NFYC: variants seen among roughly 807,000 people sequenced by gnomAD.
NFYC encodes the protein nuclear transcription factor Y subunit gamma.
NFYC carries 25 observed loss-of-function variants against 53.1 expected under a neutral mutation model. That is an observed-to-expected ratio of 0.47 (90% CI 0.34 to 0.66). The LOEUF is 0.66. Among genes scored for constraint, NFYC ranks in the 30% least tolerant of loss-of-function variants. The probability of loss-of-function intolerance (pLI) is 0.01; values close to 1 mark genes in which losing one functional copy is unlikely to be tolerated. For missense variants in NFYC, 260 were observed against 422.7 expected, an observed-to-expected ratio of 0.62 and a Z score of 3.38; for synonymous variants, 145 against 152.6, an observed-to-expected ratio of 0.95 and a Z score of 0.37.
chr1:40,767,073 T>G (rs1646850724), intron 8 of NFYC: 1 of 1,148,144 alleles, frequency 8.7e-7, no homozygotes, highest in Admixed American at 2.0e-5. Flanking sequence ...TTCTGGCACC[T>G]CCTGTGCTCT....
intron 1 of NFYC, among the ~76,000 whole-genome samples, chr1:40,696,130 T>C (rs1643129805): frequency 6.6e-6 from 1 of 151,512 alleles, no homozygotes. Context: ...TTCAAGCGAT[T>C]CTCTTGCCTC....
intron 1 of NFYC, among the ~76,000 whole-genome samples, chr1:40,728,917 C>T (rs1205675762): frequency 2.0e-5 from 3 of 152,156 alleles, no homozygotes; most frequent in Admixed American, 1.3e-4. Context: ...GGATTACAGG[C>T]GTGAGCCACT....
intron 7 of NFYC, 93 bp from the exon 8 acceptor site, chr1:40,766,503 A>G (rs1417096376): frequency 2.8e-5 from 25 of 899,030 alleles, no homozygotes; most frequent in Non-Finnish European, 4.3e-5. Flanking sequence ...CTTGAGGGGT[A>G]GGGGGCAATC....
intron 5 of NFYC, among the ~76,000 whole-genome samples, chr1:40,755,041 T>C (rs1196236165): frequency 6.6e-6 from 1 of 152,212 alleles, no homozygotes; most frequent in Non-Finnish European, 1.5e-5. Flanking sequence ...TAATCCTCTG[T>C]AGACATGAAG....
intron 1 of NFYC, among the ~76,000 whole-genome samples, chr1:40,728,931 C>T (rs529486426): frequency 6.6e-6 from 1 of 152,324 alleles, no homozygotes; most frequent in African/African-American, 2.4e-5. Flanking sequence ...AGCCACTGCT[C>T]CCAGCCTCCA....
intron 1 of NFYC, among the ~76,000 whole-genome samples, chr1:40,725,552 C>T (rs1268597115): frequency 2.6e-5 from 4 of 152,144 alleles, no homozygotes; most frequent in Non-Finnish European, 5.9e-5. Context: ...TAGCATAAGT[C>T]CTAAGGTCCA....
chr1:40,733,778 C>T (rs1644887884), intron 1 of NFYC, among the ~76,000 whole-genome samples: 1 of 151,988 alleles, frequency 6.6e-6, no homozygotes, highest in Non-Finnish European at 1.5e-5. Context: ...GAGTCTCGCT[C>T]TGTCGCCCAG....
chr1:40,763,461 C>G (rs1387052742), intron 7 of NFYC: 2 of 451,292 alleles, frequency 4.4e-6, no homozygotes, highest in African/African-American at 4.0e-5. Context: ...ATTCTCCTGC[C>G]TCAGCCTCCC....
chr1:40,758,343 G>C, intron 6 of NFYC, 49 bp downstream of exon 6: 1 of 1,536,540 alleles, frequency 6.5e-7, no homozygotes. Context: ...TGCCCCTTAG[G>C]TTTTTGGATG....
At chr1:40,716,615 A>T (rs1644145658) in intron 1 of NFYC, among the ~76,000 whole-genome samples, 2 of 152,166 alleles carry the variant, frequency 1.3e-5, no homozygotes, top group African/African-American at 4.8e-5. Context: ...GCACTTTTAT[A>T]TGATTTATTA....
chr1:40,714,327 C>T (rs1271514201), intron 1 of NFYC, among the ~76,000 whole-genome samples: 1 of 152,174 alleles, frequency 6.6e-6, no homozygotes, highest in African/African-American at 2.4e-5. Context: ...GCTGACTTTA[C>T]TGTTTCCCAT....
At chr1:40,711,141 C>T (rs922224747) in intron 1 of NFYC, among the ~76,000 whole-genome samples, 1 of 152,054 alleles carries the variant, frequency 6.6e-6, no homozygotes, top group Non-Finnish European at 1.5e-5. Context: ...TGCATGCTAC[C>T]TTGTCTTCTT....
intron 1 of NFYC, among the ~76,000 whole-genome samples, chr1:40,733,953 G>A (rs948527382): frequency 6.6e-6 from 1 of 152,096 alleles, no homozygotes; most frequent in Admixed American, 6.6e-5. Flanking sequence ...TGCTATATTA[G>A]CCAGGCTGGT....
intron 1 of NFYC, among the ~76,000 whole-genome samples, chr1:40,729,083 T>C (rs1644650700): frequency 6.6e-6 from 1 of 152,216 alleles, no homozygotes; most frequent in Admixed American, 6.5e-5. Context: ...CAAGCTTTGC[T>C]CCATTTATAG....
At chr1:40,718,088 A>G (rs1644202832) in intron 1 of NFYC, among the ~76,000 whole-genome samples, 1 of 152,248 alleles carries the variant, frequency 6.6e-6, no homozygotes, top group Non-Finnish European at 1.5e-5. Flanking sequence ...CATTATTTAT[A>G]ATCTAAACTC....
chr1:40,698,496 G>A (rs952660829), intron 1 of NFYC, among the ~76,000 whole-genome samples: 58 of 151,586 alleles, frequency 3.8e-4, no homozygotes, highest in African/African-American at 1.3e-3. Flanking sequence ...ACATGACCTC[G>A]GCTCACTGCA....
At chr1:40,747,410 C>T in intron 2 of NFYC, 124 bp from the exon 3 acceptor site, 2 of 629,340 alleles carry the variant, frequency 3.2e-6, no homozygotes, top group South Asian at 2.1e-5. Flanking sequence ...TCATCTGTAC[C>T]TTCTCTCCCG....
chr1:40,767,261 G>A, intron 8 of NFYC: 1 of 401,818 alleles, frequency 2.5e-6, no homozygotes, highest in South Asian at 2.6e-5. Flanking sequence ...TGCAGAAGAT[G>A]GGGGGTGCTG....
intron 1 of NFYC, chr1:40,730,595 T>C (rs2148541775): frequency 1.0e-6 from 1 of 985,286 alleles, no homozygotes; most frequent in East Asian, 1.1e-4. Flanking sequence ...GTCACAAAAG[T>C]GAGTGAAGAA....
Sources: allele counts gnomAD v4.1 joint callset (sites outside exome capture counted in the v4.1 genomes callset), GRCh38; gene constraint gnomAD v4.1.1; transcripts MANE v1.5; gene names NCBI Gene and HGNC (gene_info 2026-07-23, HGNC 2026-07-21).